Variants in DNAJB11 observed in about 807,000 individuals in gnomAD.
DNAJB11 encodes DnaJ heat shock protein family (Hsp40) member B11, also known as dnaJ homolog subfamily B member 11.
A neutral mutation model predicts 47.2 loss-of-function variants in DNAJB11; 30 were observed. That is an observed-to-expected ratio of 0.64 (90% CI 0.48 to 0.86). The LOEUF (loss-of-function observed/expected upper bound fraction) is 0.86, where lower values mean the gene tolerates loss of function less well. Ranked by LOEUF, DNAJB11 falls within the 40% of genes least tolerant of loss-of-function variation. DNAJB11 has a pLI of 0.00. For missense variants in DNAJB11, 357 were observed against 440.2 expected, an observed-to-expected ratio of 0.81 and a Z score of 1.69; for synonymous variants, 151 against 159.9, an observed-to-expected ratio of 0.94 and a Z score of 0.42.
At chr3:186,571,510 A>T (rs1383662884) in intron 1 of DNAJB11, among the ~76,000 whole-genome samples, 1 of 152,164 alleles carries the variant, frequency 6.6e-6, no homozygotes, top group African/African-American at 2.4e-5. Context: ...TTGGGACTGA[A>T]CGAAATTGGA....
intron 2 of DNAJB11, among the ~76,000 whole-genome samples, chr3:186,573,607 G>T (rs1419790022): frequency 1.3e-5 from 2 of 151,962 alleles, no homozygotes; most frequent in South Asian, 4.1e-4. Context: ...GGATGGTCTC[G>T]ATCTCCTGAC....
chr3:186,571,928 T>C (rs752877273), intron 1 of DNAJB11, among the ~76,000 whole-genome samples, 167 bp from the exon 2 acceptor site: 1 of 152,248 alleles, frequency 6.6e-6, no homozygotes, highest in African/African-American at 2.4e-5. Flanking sequence ...CAAATTCTGG[T>C]GTTCTCTCTT....
In DNAJB11 at chr3:186,585,470, G is replaced by A; in HGVS notation, c.*62G>A. 1 of 1,293,638 alleles carries A rather than the reference G, an allele frequency of 7.7e-7. No homozygotes were observed. Among genetic ancestry groups the A allele is most frequent in the Non-Finnish European group, 1.1e-6 (1 of 920,560 alleles). The allele number at this position is 1,293,638 out of a possible 1,614,324, so 80.1% of individuals were successfully genotyped here. A position where few individuals can be genotyped will look rare whatever the true frequency, so the allele number is the denominator to read the frequency against. On this transcript the variant is annotated 3_prime_UTR_variant, in exon 10 of 10. Coordinates refer to ENST00000265028, the MANE Select transcript of DNAJB11 (RefSeq NM_016306.6). ...ATAAGCGATATTTATTATCTGCAAG[G>A]TTTTTTTGTGTGTGTTTTTGTTTTT...
chr3:186,578,034 C>G (rs940856612), intron 4 of DNAJB11: 32 of 269,576 alleles, frequency 1.2e-4, no homozygotes, highest in South Asian at 2.1e-4. Flanking sequence ...CTACATGCTA[C>G]TTCCCTGTTC....
chr3:186,581,657 C>T (rs1487152313), intron 5 of DNAJB11, 144 bp downstream of exon 5: 5 of 980,910 alleles, frequency 5.1e-6, no homozygotes, highest in Non-Finnish European at 7.3e-6. Flanking sequence ...AAACAATGTA[C>T]ATTTTTTTCT....
Position 186,577,668 on chromosome 3 carries a change from C to A in DNAJB11, c.324C>A (p.His108Gln). 6.5e-7 allele frequency: 1 copy of A among 1,540,232 alleles called. No individual in the cohort carries two copies. Among genetic ancestry groups the A allele is most frequent in the Non-Finnish European group, 8.7e-7 (1 of 1,147,094 alleles). Residue 108 changes from histidine to glutamine, a missense_variant and splice_region_variant, in exon 4 of 10, where the codon CAC becomes CAA. Transcript: ENST00000265028. ...CTGATGATTTTGCACTTATCTTTAGCTTCTTTGGGGATTTTGGTTTCATGT... is the reference window on the plus strand; with the variant it reads ...CTGATGATTTTGCACTTATCTTTAGATTCTTTGGGGATTTTGGTTTCATGT... ...HQSSHGDIFS[H>Q]FFGDFGFMFG...
chr3:186,579,822 A>G (rs907351889), intron 4 of DNAJB11: 1 of 151,770 alleles, frequency 6.6e-6, no homozygotes, highest in East Asian at 1.9e-4. Flanking sequence ...TATCTGTGGG[A>G]TTTTCTCATA....
chr3:186,584,651 G>C, intron 9 of DNAJB11, 62 bp downstream of exon 9: 1 of 1,395,368 alleles, frequency 7.2e-7, no homozygotes, highest in Non-Finnish European at 9.3e-7. Context: ...GTGTGTGTGA[G>C]ATGAGAAAAG....
chr3:186,581,788 C>T (rs147690759), intron 5 of DNAJB11, among the ~76,000 whole-genome samples: 5 of 151,936 alleles, frequency 3.3e-5, no homozygotes, highest in South Asian at 4.2e-4. Flanking sequence ...ATTAGAGCAG[C>T]CTTATATGTT....
Position 186,570,755 on chromosome 3 carries a change from G to A in DNAJB11, c.-143G>A, listed in dbSNP as rs1345941744. 1.4e-6 allele frequency: 1 copy of A among 725,610 alleles called. No homozygotes were observed. The highest frequency in any genetic ancestry group is 2.8e-5 in the East Asian group (1 of 35,138). The allele number at this position is 725,610 out of a possible 1,614,324, so 44.9% of individuals were successfully genotyped here. ...AGTGGACCGGCAGAAGAGGGGGCTA[G>A]CTAGCTGTCTCTGCGGACCAAGGAG... On this transcript the variant is annotated 5_prime_UTR_variant, in exon 1 of 10. Coordinates refer to ENST00000265028, the MANE Select transcript of DNAJB11 (RefSeq NM_016306.6).
intron 9 of DNAJB11, 52 bp downstream of exon 9, chr3:186,584,641 GTGTGTGTGAGA>G: frequency 2.9e-6 from 4 of 1,377,406 alleles, no homozygotes; most frequent in Admixed American, 3.1e-5. Context: ...GTGTATGTGT[GTGTGTGTGAGA>G]TGAGAAAAGG....
intron 8 of DNAJB11, among the ~76,000 whole-genome samples, 198 bp downstream of exon 8, chr3:186,584,174 G>A (rs1390835422): frequency 1.3e-5 from 2 of 152,164 alleles, no homozygotes; most frequent in Admixed American, 1.3e-4. Flanking sequence ...TGGATTGCAC[G>A]GCCTTTGACA....
At chr3:186,580,527 G>T (rs965951541) in intron 4 of DNAJB11, 1 of 152,202 alleles carries the variant, frequency 6.6e-6, no homozygotes, top group African/African-American at 2.4e-5. Flanking sequence ...ATAGAGTTGT[G>T]AGGGTTAAAT....
At chr3:186,584,110 C>T in intron 8 of DNAJB11, 134 bp downstream of exon 8, 2 of 700,840 alleles carry the variant, frequency 2.9e-6, no homozygotes, top group South Asian at 1.7e-5. Context: ...TCTGTACTTA[C>T]TCTGCTGCTG....
chr3:186,575,758 TA>T, intron 2 of DNAJB11, 81 bp from the exon 3 acceptor site: 1 of 1,124,606 alleles, frequency 8.9e-7, no homozygotes. Context: ...ACTGTCAAAG[TA>T]AAAACAAACA....
Position 186,584,581 on chromosome 3 carries a change from C to T in DNAJB11, c.1004C>T (p.Ala335Val), listed in dbSNP as rs147430546. The T allele has an allele frequency of 8.6e-6, 12 of 1,394,930 alleles. No individual in the cohort carries two copies. The highest frequency in any genetic ancestry group is 6.7e-5 in the African/African-American group (3 of 44,968). The allele number at this position is 1,394,930 out of a possible 1,614,324, so 86.4% of individuals were successfully genotyped here. A position where few individuals can be genotyped will look rare whatever the true frequency, so the allele number is the denominator to read the frequency against. ...DFPKEQLTEE[A>V]REGIKQLLKQ... ...CCAAAAGAACAGTTAACAGAGGAAGCGAGAGAAGGTATGGCATATTAGTGT... is the reference window on the plus strand; with the variant it reads ...CCAAAAGAACAGTTAACAGAGGAAGTGAGAGAAGGTATGGCATATTAGTGT... Residue 335 changes from alanine to valine, a missense_variant, in exon 9 of 10, where the codon GCG (alanine) becomes GTG (valine). Coordinates refer to ENST00000265028, the MANE Select transcript of DNAJB11 (RefSeq NM_016306.6).
rs1298345977 is a variant in DNAJB11, at chr3:186,584,509, A to G, written c.932A>G (p.Asn311Ser). 1.9e-6 allele frequency: 3 copies of G among 1,602,948 alleles called. No homozygotes were observed. The highest frequency in any genetic ancestry group is 1.7e-6 in the Non-Finnish European group (2 of 1,176,684). The stretch of plus-strand genomic sequence containing the variant: ...GGGGAAGGGCTCCCCAACTTTGACA[A>G]CAACAATATCAAGGGCTCTTTGATA... ...KKGEGLPNFD[N>S]NNIKGSLIIT... Residue 311 changes from asparagine to serine, a missense_variant, in exon 9 of 10, where the codon AAC (asparagine) becomes AGC (serine). Coordinates refer to ENST00000265028, the MANE Select transcript of DNAJB11 (RefSeq NM_016306.6).
In DNAJB11 at chr3:186,581,657, C is replaced by A. The variant is rs1487152313; in HGVS notation, c.599+144C>A. 5.1e-6 allele frequency: 5 copies of A among 980,908 alleles called. 1 individual carries two copies. The Admixed American group carries it at 1.6e-4, about 31-fold the overall frequency. The allele number at this position is 980,908 out of a possible 1,614,324, so 60.8% of individuals were successfully genotyped here. A position where few individuals can be genotyped will look rare whatever the true frequency, so the allele number is the denominator to read the frequency against. On this transcript the variant is annotated intron_variant, in intron 5 of 9. Transcript: ENST00000265028. ...CAAAAGGATAGAGCAAAACAATGTA[C>A]ATTTTTTTCTGAAGTATTTGTAAAT...
chr3:186,571,006 A>C, intron 1 of DNAJB11, 41 bp downstream of exon 1: 2 of 491,002 alleles, frequency 4.1e-6, no homozygotes, highest in Non-Finnish European at 7.2e-6. Flanking sequence ...CCTGTGGGTC[A>C]GCCTTTGCTG....
Sources: gnomAD v4.1 joint callset for allele counts (sites outside exome capture counted in the v4.1 genomes callset) on GRCh38, gnomAD v4.1.1 for gene constraint, MANE v1.5 for transcripts, NCBI Gene and HGNC (gene_info 2026-07-23, HGNC 2026-07-21) for gene names.